Variants in SHROOM4 observed in about 807,000 individuals in gnomAD.
SHROOM4 encodes shroom family member 4.
In SHROOM4, 17 loss-of-function variants were observed where a neutral mutation model predicts 80.3. The observed-to-expected ratio is 0.21, with a 90% confidence interval of 0.14 to 0.32. SHROOM4 has a LOEUF of 0.32. Ranked by LOEUF, SHROOM4 falls within the 10% of genes least tolerant of loss-of-function variation. The probability of loss-of-function intolerance (pLI) is 1.00; values close to 1 mark genes in which losing one functional copy is unlikely to be tolerated. For synonymous variants in SHROOM4, 400 were observed against 437.5 expected (o/e 0.91, Z 1.07); for missense variants, 993 against 1,140.3 (o/e 0.87, Z 1.86).
In SHROOM4 at chrX:50,814,085, A is replaced by C; in HGVS notation, c.-67T>G. 1 of 760,204 alleles carries C rather than the reference A, an allele frequency of 1.3e-6. No individual in the cohort carries two copies. The highest frequency in any genetic ancestry group is 2.2e-5 in the South Asian group (1 of 45,543). The allele number at this position is 760,204 out of a possible 1,213,427, so 62.6% of individuals were successfully genotyped here. On this transcript the variant is annotated 5_prime_UTR_variant, in exon 1 of 9. Coordinates refer to ENST00000376020, the MANE Select transcript of SHROOM4 (RefSeq NM_020717.5). ...GGGCTACGTTGCCTCCGCCCCCAGC[A>C]GCTCCGCCACCATCGCCCTCCAGCT...
chrX:50,804,761 G>A (rs1304542287), intron 1 of SHROOM4, among the ~76,000 whole-genome samples: 8 of 111,573 alleles, frequency 7.2e-5, no homozygotes, highest in African/African-American at 2.6e-4. Flanking sequence ...GCTATACAGC[G>A]GTCCACTACC....
chrX:50,686,324 C>G (rs913174414), intron 2 of SHROOM4, among the ~76,000 whole-genome samples: 2 of 110,985 alleles, frequency 1.8e-5, no homozygotes, highest in African/African-American at 3.3e-5. Context: ...CGTGAGTCCC[C>G]GCGCCTGGCC....
At chrX:50,771,555 A>G (rs1340845273) in intron 1 of SHROOM4, among the ~76,000 whole-genome samples, 5 of 111,951 alleles carry the variant, frequency 4.5e-5, no homozygotes, top group Non-Finnish European at 9.4e-5. Flanking sequence ...CTTCTAGCCC[A>G]TAAGGTCATT....
intron 1 of SHROOM4, among the ~76,000 whole-genome samples, chrX:50,703,955 A>G (rs781864155): frequency 9.8e-5 from 11 of 111,886 alleles, no homozygotes; most frequent in Non-Finnish European, 1.5e-4. Context: ...TGGTGGAGAG[A>G]GTTCAGGGAG....
chrX:50,670,260 GC>G (rs2147389211), intron 2 of SHROOM4, among the ~76,000 whole-genome samples: 1 of 104,526 alleles, frequency 9.6e-6, no homozygotes, highest in Non-Finnish European at 2.0e-5. Context: ...CCCTCCCCTA[GC>G]CCCCCACCCT....
chrX:50,644,268 C>G (rs1389365015), intron 2 of SHROOM4, among the ~76,000 whole-genome samples: 3 of 112,061 alleles, frequency 2.7e-5, no homozygotes, highest in African/African-American at 9.7e-5. Flanking sequence ...GGTCAGTGTC[C>G]CTGGATTTGC....
chrX:50,705,429 G>T (rs377156039), intron 1 of SHROOM4, among the ~76,000 whole-genome samples: 11 of 111,633 alleles, frequency 9.9e-5, no homozygotes, highest in African/African-American at 3.6e-4. Flanking sequence ...AATAAGGCAA[G>T]CAATGTGAAC....
intron 1 of SHROOM4, among the ~76,000 whole-genome samples, chrX:50,719,961 A>G (rs1934065568): frequency 8.9e-6 from 1 of 112,332 alleles, no homozygotes; most frequent in Non-Finnish European, 1.9e-5. Context: ...TATATTTTTG[A>G]CATCTTGTGT....
chrX:50,671,338 G>A (rs1932795920), intron 2 of SHROOM4, among the ~76,000 whole-genome samples: 1 of 111,926 alleles, frequency 8.9e-6, no homozygotes, highest in Non-Finnish European at 1.9e-5. Flanking sequence ...ATCCCATGAA[G>A]TTTTAAATTG....
At chrX:50,621,809 T>C (rs1024418233) in intron 5 of SHROOM4, among the ~76,000 whole-genome samples, 4 of 111,855 alleles carry the variant, frequency 3.6e-5, no homozygotes, top group Non-Finnish European at 5.6e-5. Context: ...ATTACCCATA[T>C]TCTTTCACTC....
intron 2 of SHROOM4, among the ~76,000 whole-genome samples, chrX:50,652,116 T>C (rs782736118): frequency 1.8e-5 from 2 of 112,060 alleles, no homozygotes; most frequent in South Asian, 7.5e-4. Context: ...GATTGCTAGA[T>C]CAAACGGTAT....
intron 1 of SHROOM4, among the ~76,000 whole-genome samples, chrX:50,813,160 T>TGGCGGTGGCGGC (rs1557273618): frequency 3.9e-5 from 4 of 101,999 alleles, no homozygotes; most frequent in African/African-American, 7.1e-5. Flanking sequence ...GCGGCGGCAG[T>TGGCGGTGGCGGC]GGCGGCGGCG....
chrX:50,813,258 A>C (rs917656335), intron 1 of SHROOM4, among the ~76,000 whole-genome samples: 7 of 111,269 alleles, frequency 6.3e-5, no homozygotes, highest in African/African-American at 9.8e-5. Context: ...CACACTTCTC[A>C]ACGTGCAGGA....
intron 2 of SHROOM4, among the ~76,000 whole-genome samples, chrX:50,650,845 C>G (rs1219269972): frequency 8.9e-6 from 1 of 112,272 alleles, no homozygotes; most frequent in Non-Finnish European, 1.9e-5. Flanking sequence ...AGCCCACCAA[C>G]CTAGCAAAAT....
In SHROOM4 at chrX:50,592,844, T is replaced by C. The variant is rs1262188814; in HGVS notation, c.*3851A>G. The C allele has an allele frequency of 8.9e-6, 1 of 112,582 alleles. No individual in the cohort carries two copies. Among genetic ancestry groups the C allele is most frequent in the Non-Finnish European group, 1.9e-5 (1 of 53,673 alleles). 9.3% of individuals were successfully genotyped at this position (112,582 alleles called of 1,213,427 possible). On this transcript the variant is annotated 3_prime_UTR_variant, in exon 9 of 9. Coordinates refer to ENST00000376020, the MANE Select transcript of SHROOM4 (RefSeq NM_020717.5). ...AGACTCTGTATACTGCTTAGGTCTA[T>C]ACCTGAGATTACACCTATTGTTGAC...
At chrX:50,795,118 TATATATATGATATATATATATATATATG>T (rs1309868168) in intron 1 of SHROOM4, among the ~76,000 whole-genome samples, 1,362 of 8,563 alleles carry the variant, frequency 0.16, 304 homozygotes, top group African/African-American at 0.21. Context: ...ATATATGATA[TATATATATGATATATATATATATATATG>T]ATATATATAT....
chrX:50,672,059 C>T (rs1932802746), intron 2 of SHROOM4, among the ~76,000 whole-genome samples: 1 of 111,891 alleles, frequency 8.9e-6, no homozygotes, highest in Admixed American at 9.5e-5. Context: ...AGAGGAATGG[C>T]CTGTCGGTAC....
At chrX:50,667,647 A>G (rs1396899420) in intron 2 of SHROOM4, among the ~76,000 whole-genome samples, 1 of 112,029 alleles carries the variant, frequency 8.9e-6, no homozygotes, top group Non-Finnish European at 1.9e-5. Context: ...AGTATCTAGA[A>G]CATGAAAAGA....
chrX:50,584,298 C>T (rs181592834), downstream of SHROOM4, among the ~76,000 whole-genome samples: 36 of 112,530 alleles, frequency 3.2e-4, no homozygotes, highest in African/African-American at 1.2e-3. Flanking sequence ...AGATATTTGG[C>T]TATTCAGTCT....
Sources: allele counts gnomAD v4.1 joint callset (sites outside exome capture counted in the v4.1 genomes callset), GRCh38; gene constraint gnomAD v4.1.1; transcripts MANE v1.5; gene names NCBI Gene and HGNC (gene_info 2026-07-23, HGNC 2026-07-21).